Variants in LITAF observed in about 807,000 individuals in gnomAD.
The protein encoded by LITAF is lipopolysaccharide induced TNF factor.
A neutral mutation model predicts 14.5 loss-of-function variants in LITAF; 9 were observed. The ratio of observed to expected loss-of-function variants is 0.62; its 90% CI spans 0.37 to 1.08. The LOEUF is 1.08. Ranked by LOEUF, LITAF falls within the 50% of genes least tolerant of loss-of-function variation. LITAF has a pLI of 0.01. For synonymous variants in LITAF, 98 were observed against 88.2 expected (o/e 1.11, Z -0.62); for missense variants, 206 against 213.4 (o/e 0.97, Z 0.22).
chr16:11,603,314 C>G (rs2064938085), upstream of LITAF, among the ~76,000 whole-genome samples: 1 of 152,230 alleles, frequency 6.6e-6, no homozygotes, highest in African/African-American at 2.4e-5. Flanking sequence ...TTCCCTGCCT[C>G]CATCCCCAGG....
chr16:11,575,453 T>C (rs1015770973), intron 1 of LITAF: 1 of 151,458 alleles, frequency 6.6e-6, no homozygotes, highest in African/African-American at 2.4e-5. Flanking sequence ...GAAAGTGAGG[T>C]CGTGTTACAG....
upstream of LITAF, among the ~76,000 whole-genome samples, chr16:11,639,192 T>A (rs1435683242): frequency 1.3e-5 from 2 of 149,162 alleles, no homozygotes; most frequent in Non-Finnish European, 3.0e-5. Flanking sequence ...TGGGTAGATG[T>A]ATGGATGGGT....
intron 1 of LITAF, among the ~76,000 whole-genome samples, chr16:11,592,278 T>C (rs1056385218): frequency 1.3e-5 from 2 of 151,976 alleles, no homozygotes; most frequent in Non-Finnish European, 2.9e-5. Flanking sequence ...CAACCTAGTG[T>C]AAAAATGGGC....
At chr16:11,622,772 T>C (rs770020358) in intron 3 of LITAF, among the ~76,000 whole-genome samples, 2 of 152,146 alleles carry the variant, frequency 1.3e-5, no homozygotes, top group African/African-American at 2.4e-5. Context: ...CACCCATGCC[T>C]GCTCTAAACT....
At chr16:11,627,768 C>T (rs762060104) in intron 3 of LITAF, among the ~76,000 whole-genome samples, 46 of 152,114 alleles carry the variant, frequency 3.0e-4, no homozygotes, top group Admixed American at 5.2e-4. Context: ...GGCTTGCATC[C>T]GGGAGGCAGA....
intron 3 of LITAF, among the ~76,000 whole-genome samples, chr16:11,630,096 C>G (rs1188047785): frequency 6.6e-6 from 1 of 152,178 alleles, no homozygotes; most frequent in Non-Finnish European, 1.5e-5. Flanking sequence ...AAGGCGGGCA[C>G]ACAGGACCCC....
chr16:11,554,067 C>CA (rs541450416), intron 2 of LITAF, among the ~76,000 whole-genome samples: 16 of 151,876 alleles, frequency 1.1e-4, no homozygotes, highest in South Asian at 6.2e-4. Context: ...CTCATCTCTA[C>CA]AAAAAAATAT....
At chr16:11,579,428 G>A (rs1048503860) in intron 1 of LITAF, among the ~76,000 whole-genome samples, 16 of 150,912 alleles carry the variant, frequency 1.1e-4, no homozygotes, top group East Asian at 7.8e-4. Flanking sequence ...TCCGCAGTCC[G>A]GCCTGGGCGA....
chr16:11,593,305 G>A (rs2064859703), intron 1 of LITAF, among the ~76,000 whole-genome samples: 4 of 145,148 alleles, frequency 2.8e-5, no homozygotes, highest in African/African-American at 1.0e-4. Context: ...GCAGTGAGCC[G>A]AGATTGCGCC....
At chr16:11,619,672 C>G (rs2065038713) in intron 3 of LITAF, among the ~76,000 whole-genome samples, 1 of 151,940 alleles carries the variant, frequency 6.6e-6, no homozygotes, top group Non-Finnish European at 1.5e-5. Context: ...GCTCAAACCA[C>G]CATCCTGCCT....
At chr16:11,619,001 A>G (rs2065034223) in intron 3 of LITAF, among the ~76,000 whole-genome samples, 1 of 149,352 alleles carries the variant, frequency 6.7e-6, no homozygotes, top group African/African-American at 2.5e-5. Flanking sequence ...AACAAAACAA[A>G]CAAACAAACA....
intron 2 of LITAF, 167 bp downstream of exon 2, chr16:11,556,344 A>G (rs775557116): frequency 7.4e-5 from 46 of 623,848 alleles, no homozygotes; most frequent in Non-Finnish European, 1.2e-4. Flanking sequence ...GAGCCTCACC[A>G]ACATGGAATC....
chr16:11,637,974 CTATATATATCTATATATATCTA>C (rs2065146642), upstream of LITAF, among the ~76,000 whole-genome samples: 1 of 31,646 alleles, frequency 3.2e-5, no homozygotes, highest in African/African-American at 2.6e-4. Flanking sequence ...ATCTATATAT[CTATATATATCTATATATATCTA>C]TATATATCTA....
intron 1 of LITAF, among the ~76,000 whole-genome samples, chr16:11,580,900 G>C (rs1012623999): frequency 6.6e-6 from 1 of 152,046 alleles, no homozygotes; most frequent in Non-Finnish European, 1.5e-5. Context: ...GAGTGGCTGG[G>C]ATCACAGGCA....
Position 11,548,863 on chromosome 16 carries a change from A to G in LITAF, c.*774T>C, listed in dbSNP as rs1421846431. The G allele has an allele frequency of 4.4e-6, 2 of 453,684 alleles. No homozygotes were observed. The highest frequency in any genetic ancestry group is 4.7e-5 in the Admixed American group (2 of 42,508). The allele number at this position is 453,684 out of a possible 1,614,324, so 28.1% of individuals were successfully genotyped here. Reference sequence around the variant, plus strand: ...TTCAAAAGTATTTCAGACCAAAAGGAGGTCATAAAAACTGTTCATATAATT... The same window carrying G: ...TTCAAAAGTATTTCAGACCAAAAGGGGGTCATAAAAACTGTTCATATAATT... On this transcript the variant is annotated 3_prime_UTR_variant, in exon 4 of 4. Transcript: ENST00000622633.
chr16:11,607,841 T>A (rs2064962595), intron 3 of LITAF, among the ~76,000 whole-genome samples: 1 of 152,200 alleles, frequency 6.6e-6, no homozygotes, highest in Non-Finnish European at 1.5e-5. Context: ...GCAACATCCC[T>A]GACCTCTTTC....
chr16:11,619,656 TC>T (rs1358120623), intron 3 of LITAF, among the ~76,000 whole-genome samples: 2 of 151,508 alleles, frequency 1.3e-5, no homozygotes, highest in Non-Finnish European at 3.0e-5. Flanking sequence ...AGTGTTGACT[TC>T]CTGGGCTCAA....
chr16:11,586,430 T>C lies in LITAF; in HGVS notation c.-6+456A>G, dbSNP rs1292957037. ...TTGGCAAATAGCATTTGGGAATTCG[T>C]TGGGGTTTTTTTGTTTGTTTTGGTT... On this transcript the variant is annotated intron_variant, in intron 1 of 3. Coordinates refer to ENST00000622633, the MANE Select transcript of LITAF (RefSeq NM_001136472.2). The surrounding 1 kb of genome is among the most constrained non-coding windows in gnomAD (Gnocchi z 6.5). 4 of 152,122 alleles carry C rather than the reference T, an allele frequency of 2.6e-5. No individual in the cohort carries two copies. Among genetic ancestry groups the C allele is most frequent in the Non-Finnish European group, 5.9e-5 (4 of 68,002 alleles). 9.4% of individuals were successfully genotyped at this position (152,122 alleles called of 1,614,324 possible).
chr16:11,625,892 G>T (rs1459887039), intron 3 of LITAF, among the ~76,000 whole-genome samples: 1 of 152,010 alleles, frequency 6.6e-6, no homozygotes. Flanking sequence ...CCTCACAATG[G>T]TCCTACGAGG....
Sources: allele counts gnomAD v4.1 joint callset (sites outside exome capture counted in the v4.1 genomes callset), GRCh38; gene constraint gnomAD v4.1.1; non-coding constraint Gnocchi (gnomAD v3.1); transcripts MANE v1.5; gene names NCBI Gene and HGNC (gene_info 2026-07-23, HGNC 2026-07-21).